GNB1: variants seen among roughly 807,000 people sequenced by gnomAD.
GNB1 encodes G protein subunit beta 1.
Under a neutral mutation model 42.9 loss-of-function variants are expected in GNB1, and 2 were observed. That is an observed-to-expected ratio of 0.05 (90% CI 0.02 to 0.15). The LOEUF (loss-of-function observed/expected upper bound fraction) is 0.15. Ranked by LOEUF, GNB1 falls within the 10% of genes least tolerant of loss-of-function variation. The pLI is 1.00. For synonymous variants in GNB1, 183 were observed against 174.7 expected (o/e 1.05, Z -0.38); for missense variants, 193 against 462.2 (o/e 0.42, Z 5.34).
At chr1:1,875,642 G>A (rs1202074462) in intron 1 of GNB1, among the ~76,000 whole-genome samples, 1 of 152,170 alleles carries the variant, frequency 6.6e-6, no homozygotes, top group Admixed American at 6.5e-5. Flanking sequence ...CCAAAGTGCT[G>A]AGCTTACAGG....
chr1:1,845,467 G>A (rs1475299664), intron 1 of GNB1, among the ~76,000 whole-genome samples: 1 of 152,170 alleles, frequency 6.6e-6, no homozygotes, highest in Admixed American at 6.5e-5. Flanking sequence ...CAGCTACTCA[G>A]GAGGCTGAGG....
At position 1,879,651 on chromosome 1, in the gene GNB1, G is replaced by C. The variant is rs941064104; in HGVS notation, c.-96+11169C>G. On this transcript the variant is annotated intron_variant, in intron 1 of 11. Transcript: ENST00000378609. ...ACCCAGGAGGCGGAGCTTGCAGTGA[G>C]CCAAGATCGCACCACTGCACTCCAG... Among the ~76,000 whole-genome samples, 7 of 150,576 alleles carry C rather than the reference G, an allele frequency of 4.6e-5. No homozygotes were observed. In the East Asian group the frequency reaches 1.2e-3, roughly 25 times the overall value.
intron 2 of GNB1, among the ~76,000 whole-genome samples, chr1:1,828,980 A>G (rs2101031530): frequency 6.6e-6 from 1 of 152,314 alleles, no homozygotes; most frequent in Admixed American, 6.5e-5. Flanking sequence ...AGAAGTGATA[A>G]GAAAAATCTA....
intron 2 of GNB1, among the ~76,000 whole-genome samples, chr1:1,829,550 A>C (rs12568603): frequency 0.83 from 126,785 of 152,068 alleles, 54,726 homozygotes; most frequent in Non-Finnish European, 0.95. Context: ...GCTGCAAGGG[A>C]ACCAGGTGCC....
chr1:1,875,789 C>CAAGGGGCG (rs1649510348), intron 1 of GNB1, among the ~76,000 whole-genome samples: 1 of 152,086 alleles, frequency 6.6e-6, no homozygotes, highest in Non-Finnish European at 1.5e-5. Flanking sequence ...GCTAGAAACA[C>CAAGGGGCG]AAGGGGCGAA....
intron 5 of GNB1, among the ~76,000 whole-genome samples, chr1:1,809,175 A>G (rs1646742274): frequency 7.1e-6 from 1 of 141,118 alleles, no homozygotes; most frequent in South Asian, 2.2e-4. Flanking sequence ...CCATCCTATT[A>G]TTTTTCAGAT....
At chr1:1,864,314 C>CAAAAAAAAAAAAAAAAAAA (rs1173466617) in intron 1 of GNB1, among the ~76,000 whole-genome samples, 4 of 37,934 alleles carry the variant, frequency 1.1e-4, no homozygotes, top group African/African-American at 1.7e-4. Flanking sequence ...AAGACTCTCT[C>CAAAAAAAAAAAAAAAAAAA]AAAAAAAAAA....
intron 1 of GNB1, among the ~76,000 whole-genome samples, chr1:1,878,781 C>G (rs1371562290): frequency 6.6e-6 from 1 of 152,162 alleles, no homozygotes; most frequent in South Asian, 2.1e-4. Flanking sequence ...GTATTCCCAT[C>G]TAAAATCCAT....
At chr1:1,859,079 T>C (rs1025775838) in intron 1 of GNB1, among the ~76,000 whole-genome samples, 5 of 151,468 alleles carry the variant, frequency 3.3e-5, no homozygotes, top group Non-Finnish European at 5.9e-5. Flanking sequence ...TGGAATGCAA[T>C]AGCGCGATCT....
At chr1:1,883,255 G>C (rs1408539396) in intron 1 of GNB1, among the ~76,000 whole-genome samples, 2 of 149,044 alleles carry the variant, frequency 1.3e-5, no homozygotes, top group Admixed American at 6.7e-5. Context: ...CTCCAGCCTG[G>C]GTGACACAGC....
At position 1,824,001 on chromosome 1, in the gene GNB1, G is replaced by A. The variant is rs373664620; in HGVS notation, c.57+1396C>T. Among the ~76,000 whole-genome samples the A allele has an allele frequency of 9.9e-5, 15 of 152,164 alleles. 1 individual carries two copies. Among genetic ancestry groups the A allele is most frequent in the Admixed American group, 2.6e-4 (4 of 15,276 alleles). On this transcript the variant is annotated intron_variant, in intron 3 of 11. Transcript: ENST00000378609. ...CCTGGGTAGCTCAGACTACAGGCGC[G>A]CACCACCATACCCAGCTTATAAACT...
In GNB1 at chr1:1,879,119, T is replaced by A. The variant is rs1261748619; in HGVS notation, c.-96+11701A>T. ...TCCTCCCCAGGAAAAGGCACAATCC[T>A]ACAGTACTGCACATGGGGGCAGGGA... On this transcript the variant is annotated intron_variant, in intron 1 of 11. Transcript: ENST00000378609. Among the ~76,000 whole-genome samples, 3 of 152,098 alleles carry A rather than the reference T, an allele frequency of 2.0e-5. No homozygotes were observed. The East Asian group carries it at 5.8e-4, about 29-fold the overall frequency.
intron 1 of GNB1, among the ~76,000 whole-genome samples, chr1:1,871,772 T>A (rs995719424): frequency 6.6e-6 from 1 of 152,102 alleles, no homozygotes; most frequent in Non-Finnish European, 1.5e-5. Flanking sequence ...ACCCTCTACA[T>A]GTGCAAAGCA....
chr1:1,862,237 GTAAAGTGTATA>G (rs1648672238), intron 1 of GNB1, among the ~76,000 whole-genome samples: 1 of 152,154 alleles, frequency 6.6e-6, no homozygotes, highest in Non-Finnish European at 1.5e-5. Flanking sequence ...AAATAACTAA[GTAAAGTGTATA>G]TGTTAGCAGA....
At chr1:1,832,327 C>T (rs1647087840) in intron 2 of GNB1, 1 of 152,236 alleles carries the variant, frequency 6.6e-6, no homozygotes, top group South Asian at 2.1e-4. Context: ...CTCCTCTCCT[C>T]CGGTGCCGAC....
chr1:1,868,939 C>A (rs1161408449), intron 1 of GNB1, among the ~76,000 whole-genome samples: 1 of 151,656 alleles, frequency 6.6e-6, no homozygotes, highest in Non-Finnish European at 1.5e-5. Context: ...AATCCCAACA[C>A]TTTGGGAGGC....
At chr1:1,791,582 A>G (rs1450453152) in intron 8 of GNB1, among the ~76,000 whole-genome samples, 3 of 152,188 alleles carry the variant, frequency 2.0e-5, no homozygotes, top group African/African-American at 7.2e-5. Context: ...GACAGCTGTG[A>G]GGGCCACACG....
intron 2 of GNB1, among the ~76,000 whole-genome samples, chr1:1,835,190 C>A (rs1329145029): frequency 6.6e-6 from 1 of 152,182 alleles, no homozygotes; most frequent in African/African-American, 2.4e-5. Flanking sequence ...TTTGCAGGTC[C>A]AGCCCACTTA....
At chr1:1,829,614 T>C (rs1194375817) in intron 2 of GNB1, among the ~76,000 whole-genome samples, 1 of 152,122 alleles carries the variant, frequency 6.6e-6, no homozygotes, top group Non-Finnish European at 1.5e-5. Flanking sequence ...ATAAACAGCC[T>C]TCTCAGTGGC....
Sources: allele counts gnomAD v4.1 joint callset (sites outside exome capture counted in the v4.1 genomes callset), GRCh38; gene constraint gnomAD v4.1.1; transcripts MANE v1.5; gene names NCBI Gene and HGNC (gene_info 2026-07-23, HGNC 2026-07-21).